The following DYRK1A variants were observed in gnomAD, a reference collection of about 807,000 sequenced individuals.
DYRK1A encodes the protein dual specificity tyrosine-phosphorylation-regulated kinase 1A.
DYRK1A carries 9 observed loss-of-function variants against 79.7 expected under a neutral mutation model. The ratio of observed to expected loss-of-function variants is 0.11; its 90% confidence interval spans 0.07 to 0.20. The LOEUF is 0.20. Ranked by LOEUF, DYRK1A falls within the 10% of genes least tolerant of loss-of-function variation. DYRK1A has a pLI of 1.00. For missense variants in DYRK1A, 622 were observed against 956.0 expected, an observed-to-expected ratio of 0.65 and a Z score of 4.61; for synonymous variants, 349 against 329.7, an observed-to-expected ratio of 1.06 and a Z score of -0.63.
intron 2 of DYRK1A, 70 bp from the exon 3 acceptor site, chr21:37,472,614 T>G: frequency 7.6e-7 from 1 of 1,310,646 alleles, no homozygotes; most frequent in Non-Finnish European, 1.0e-6. Context: ...TAAGGAACCA[T>G]TAGATATGTC....
intron 1 of DYRK1A, among the ~76,000 whole-genome samples, chr21:37,417,000 A>G (rs1311987962): frequency 1.3e-5 from 2 of 152,098 alleles, no homozygotes; most frequent in African/African-American, 4.8e-5. Context: ...GTAATACTTC[A>G]TACTACTTTA....
At chr21:37,450,500 A>G (rs1286939055) in intron 2 of DYRK1A, among the ~76,000 whole-genome samples, 1 of 152,138 alleles carries the variant, frequency 6.6e-6, no homozygotes, top group Admixed American at 6.5e-5. Context: ...TCATTTACTC[A>G]CTCATTGAAT....
At chr21:37,389,786 C>G (rs1175542269) in intron 1 of DYRK1A, among the ~76,000 whole-genome samples, 1 of 152,020 alleles carries the variant, frequency 6.6e-6, no homozygotes, top group Non-Finnish European at 1.5e-5. Flanking sequence ...TATGGCAGTG[C>G]TCTTGGGTCT....
chr21:37,477,316 C>G (rs1369918589), intron 3 of DYRK1A, among the ~76,000 whole-genome samples: 1 of 152,126 alleles, frequency 6.6e-6, no homozygotes, highest in Non-Finnish European at 1.5e-5. Flanking sequence ...CTGTGACCAC[C>G]TTGATGGAAA....
chr21:37,478,059 T>G, intron 3 of DYRK1A, 149 bp from the exon 4 acceptor site: 1 of 1,059,956 alleles, frequency 9.4e-7, no homozygotes, highest in Non-Finnish European at 1.3e-6. Context: ...AAAGGGAACT[T>G]TGAGAGAGAA....
chr21:37,432,404 A>C (rs2050800626), intron 2 of DYRK1A, among the ~76,000 whole-genome samples: 1 of 152,234 alleles, frequency 6.6e-6, no homozygotes, highest in Non-Finnish European at 1.5e-5. Context: ...CTTAGGTTAG[A>C]GAATAGAAAT....
chr21:37,427,414 G>A (rs73218413), intron 2 of DYRK1A, among the ~76,000 whole-genome samples: 11,487 of 152,220 alleles, frequency 0.075, 644 homozygotes, highest in Non-Finnish European at 0.11. Flanking sequence ...GTGAGTCACC[G>A]TCTTGGCCTT....
At chr21:37,493,658 G>A (rs2053168155) in intron 8 of DYRK1A, among the ~76,000 whole-genome samples, 1 of 152,180 alleles carries the variant, frequency 6.6e-6, no homozygotes, top group African/African-American at 2.4e-5. Flanking sequence ...CTGTGTTCTG[G>A]AAGATTTTTC....
At chr21:37,373,072 TTAGATTCA>T (rs1389764645) in intron 1 of DYRK1A, among the ~76,000 whole-genome samples, 3 of 152,074 alleles carry the variant, frequency 2.0e-5, no homozygotes, top group Non-Finnish European at 4.4e-5. Context: ...CATAGGGGGT[TTAGATTCA>T]TAGAATGATA....
intron 1 of DYRK1A, among the ~76,000 whole-genome samples, chr21:37,370,587 A>G (rs557828358): frequency 6.6e-6 from 1 of 152,180 alleles, no homozygotes; most frequent in African/African-American, 2.4e-5. Context: ...CTGTACACAC[A>G]CAGGAAGCAG....
chr21:37,452,094 C>G (rs2051472108), intron 2 of DYRK1A, among the ~76,000 whole-genome samples: 1 of 151,112 alleles, frequency 6.6e-6, no homozygotes, highest in Admixed American at 6.6e-5. Context: ...AAACACTTAA[C>G]CTGGGTACTC....
At chr21:37,373,560 A>G (rs1320990510) in intron 1 of DYRK1A, among the ~76,000 whole-genome samples, 1 of 152,174 alleles carries the variant, frequency 6.6e-6, no homozygotes, top group Non-Finnish European at 1.5e-5. Context: ...GATGTGAGGG[A>G]GCTTGGTTCC....
Position 37,496,272 on chromosome 21 carries a change from A to G in DYRK1A, c.1212+14A>G. On this transcript the variant is annotated intron_variant, in intron 9 of 11. Transcript: ENST00000647188. ...GATGGAAAACGGGTAAAATAAGGAT[A>G]TATCTGTTTTGAGCCTTTATTAAAT... is the stretch of plus-strand genomic sequence containing the variant. 3 of 1,602,340 alleles carry G rather than the reference A, an allele frequency of 1.9e-6. No homozygotes were observed. Among genetic ancestry groups the G allele is most frequent in the Non-Finnish European group, 2.5e-6 (3 of 1,176,588 alleles).
intron 9 of DYRK1A, among the ~76,000 whole-genome samples, chr21:37,498,918 G>A (rs574809244): frequency 6.6e-6 from 1 of 152,056 alleles, no homozygotes; most frequent in Non-Finnish European, 1.5e-5. Context: ...CTTTTCATAT[G>A]CTTATTAGCC....
intron 1 of DYRK1A, among the ~76,000 whole-genome samples, chr21:37,406,372 C>CCAA (rs2050145873): frequency 6.6e-6 from 1 of 152,112 alleles, no homozygotes; most frequent in South Asian, 2.1e-4. Context: ...ACCCCAGGCA[C>CCAA]CAACACACCC....
chr21:37,477,187 C>T (rs1329010743), intron 3 of DYRK1A, among the ~76,000 whole-genome samples: 1 of 152,078 alleles, frequency 6.6e-6, no homozygotes, highest in Non-Finnish European at 1.5e-5. Flanking sequence ...GTCACTCTGC[C>T]CCTCCGATTG....
intron 11 of DYRK1A, among the ~76,000 whole-genome samples, chr21:37,506,654 G>A (rs1343775173): frequency 6.6e-6 from 1 of 152,102 alleles, no homozygotes; most frequent in Non-Finnish European, 1.5e-5. Context: ...TTTCTGATTT[G>A]ATTTTAGCCT....
rs1384236840 is a variant in DYRK1A at position 37,496,152 on chromosome 21, G to A, written c.1106G>A (p.Gly369Asp). The A allele has an allele frequency of 1.9e-6, 3 of 1,613,730 alleles. No homozygotes were observed. Among genetic ancestry groups the A allele is most frequent in the South Asian group, 1.1e-5 (1 of 90,926 alleles). ...DQMNKIVEVLGIPPAHILDQA... is the reference protein window; with the variant it reads ...DQMNKIVEVLDIPPAHILDQA... ...ATGAATAAAATAGTGGAAGTTCTGGGTATTCCACCTGCTCATATTCTTGAC... is the reference window on the plus strand; with the variant it reads ...ATGAATAAAATAGTGGAAGTTCTGGATATTCCACCTGCTCATATTCTTGAC... Residue 369 changes from glycine to aspartate, a missense_variant, in exon 9 of 12, where the codon GGT (glycine) becomes GAT (aspartate). Around this residue, in one of 5 missense-constraint regions of DYRK1A, gnomAD observed 80 missense variants for 116.5 expected, o/e 0.69. Transcript: ENST00000647188.
chr21:37,379,513 A>T (rs533538189), intron 1 of DYRK1A, among the ~76,000 whole-genome samples: 1 of 152,318 alleles, frequency 6.6e-6, no homozygotes, highest in South Asian at 2.1e-4. Flanking sequence ...CCTACTGAGG[A>T]CCTGAAGGAA....
Sources: gnomAD v4.1 joint callset for allele counts (sites outside exome capture counted in the v4.1 genomes callset) on GRCh38, gnomAD v4.1.1 for gene constraint, gnomAD v4.1.1 regional missense constraint, MANE v1.5 for transcripts, NCBI Gene and HGNC (gene_info 2026-07-23, HGNC 2026-07-21) for gene names.